The following CFAP20DC variants were observed in gnomAD, a reference collection of about 807,000 sequenced individuals.
The protein encoded by CFAP20DC is CFAP20 domain containing.
CFAP20DC carries 84 observed loss-of-function variants against 101.7 expected under a neutral mutation model. The observed-to-expected ratio is 0.83, with a 90% CI of 0.69 to 0.99. The LOEUF is 0.99. Among genes scored for constraint, CFAP20DC ranks in the 50% least tolerant of loss-of-function variants. CFAP20DC has a pLI of 0.00. For missense variants in CFAP20DC, 1,007 were observed against 970.3 expected (o/e 1.04, Z -0.50); for synonymous variants, 359 against 351.2 (o/e 1.02, Z -0.25).
At chr3:58,978,322 T>G (rs2092368665) in intron 4 of CFAP20DC, among the ~76,000 whole-genome samples, 1 of 152,158 alleles carries the variant, frequency 6.6e-6, no homozygotes, top group South Asian at 2.1e-4. Context: ...CTTTTCCTTG[T>G]CTATATTTTC....
At chr3:58,760,513 G>C (rs373017206) in intron 15 of CFAP20DC, among the ~76,000 whole-genome samples, 3 of 151,948 alleles carry the variant, frequency 2.0e-5, no homozygotes, top group Non-Finnish European at 4.4e-5. Flanking sequence ...TTTCCTAATT[G>C]AATACCCTTT....
downstream of CFAP20DC, among the ~76,000 whole-genome samples, chr3:58,741,402 GA>G (rs2067880833): frequency 6.6e-6 from 1 of 152,122 alleles, no homozygotes; most frequent in Non-Finnish European, 1.5e-5. Context: ...GAGTGGTGAT[GA>G]GTGTGTGTGT....
chr3:58,982,942 G>A (rs535453258), intron 4 of CFAP20DC, among the ~76,000 whole-genome samples: 5 of 152,224 alleles, frequency 3.3e-5, no homozygotes, highest in East Asian at 3.9e-4. Context: ...AGCGAAAAGA[G>A]TAAGGTAAGG....
rs1366611070 is a variant in CFAP20DC, at chr3:58,788,284, A to G, written c.2237+18111T>C. On this transcript the variant is annotated intron_variant, in intron 15 of 16. Coordinates refer to ENST00000482387, the MANE Select transcript of CFAP20DC (RefSeq NM_001394063.1). The surrounding 1 kb of genome is among the most constrained non-coding windows in gnomAD (Gnocchi z 4.2). ...GTTGATTTGGGGCCGTCTATTGGAGATGGATGTTTCTAATATAATGGGCCC... is the reference window on the plus strand; with the variant it reads ...GTTGATTTGGGGCCGTCTATTGGAGGTGGATGTTTCTAATATAATGGGCCC... 1.3e-5 allele frequency among the ~76,000 whole-genome samples: 2 copies of G among 152,050 alleles called. No individual in the cohort carries two copies. The highest frequency in any genetic ancestry group is 2.9e-5 in the Non-Finnish European group (2 of 68,010).
chr3:58,753,905 T>C (rs746485733), intron 15 of CFAP20DC, 42 bp from the exon 16 acceptor site: 11 of 1,364,632 alleles, frequency 8.1e-6, no homozygotes, highest in South Asian at 6.3e-5. Context: ...TGGAATTCCA[T>C]ATATAGATTT....
chr3:58,790,542 G>C lies in CFAP20DC; in HGVS notation c.2237+15853C>G, dbSNP rs536059396. Among the ~76,000 whole-genome samples the C allele has an allele frequency of 1.2e-4, 18 of 152,322 alleles. 1 individual carries two copies. In the South Asian group the frequency reaches 3.7e-3, roughly 32 times the overall value. On this transcript the variant is annotated intron_variant, in intron 15 of 16. Transcript: ENST00000482387. ...AGAAGAGCAGCAGAGAAGGAGAGGA[G>C]TAGTGGTGAAAAGGACATGTGGATC...
intron 7 of CFAP20DC, among the ~76,000 whole-genome samples, chr3:58,879,783 A>C (rs2081080152): frequency 6.6e-6 from 1 of 152,216 alleles, no homozygotes; most frequent in Non-Finnish European, 1.5e-5. Context: ...CGAGTTCACC[A>C]GTAGTGAAAA....
intron 15 of CFAP20DC, among the ~76,000 whole-genome samples, chr3:58,805,649 G>A (rs180690254): frequency 1.3e-5 from 2 of 152,194 alleles, no homozygotes; most frequent in South Asian, 2.1e-4. Context: ...CACGATATAT[G>A]GACTTTTCAA....
chr3:58,943,121 TG>T, intron 4 of CFAP20DC, among the ~76,000 whole-genome samples: 1 of 152,266 alleles, frequency 6.6e-6, no homozygotes, highest in South Asian at 2.1e-4. Context: ...ACAGAGCACC[TG>T]GGGAAAGTGG....
chr3:58,853,761 A>T (rs1447763942), intron 12 of CFAP20DC, among the ~76,000 whole-genome samples: 1 of 152,224 alleles, frequency 6.6e-6, no homozygotes, highest in Non-Finnish European at 1.5e-5. Context: ...AGATGCAGAA[A>T]AGGCCTTAGA....
chr3:58,811,813 A>C (rs2074661299), intron 14 of CFAP20DC, among the ~76,000 whole-genome samples: 2 of 151,780 alleles, frequency 1.3e-5, no homozygotes, highest in African/African-American at 4.8e-5. Context: ...TCATCTGACA[A>C]AGGGCTAATA....
At chr3:58,761,876 G>A (rs541907294) in intron 15 of CFAP20DC, among the ~76,000 whole-genome samples, 4 of 152,186 alleles carry the variant, frequency 2.6e-5, no homozygotes, top group African/African-American at 9.6e-5. Flanking sequence ...CTGAGTTCTA[G>A]TTTGATTGCA....
At chr3:59,039,777 C>T in intron 3 of CFAP20DC, 148 bp from the exon 4 acceptor site, 1 of 414,934 alleles carries the variant, frequency 2.4e-6, no homozygotes, top group South Asian at 9.6e-5. Flanking sequence ...TGAGTTACAA[C>T]CTCATTACGA....
intron 5 of CFAP20DC, among the ~76,000 whole-genome samples, chr3:58,925,549 G>T (rs1022942323): frequency 1.3e-5 from 2 of 152,116 alleles, no homozygotes; most frequent in Admixed American, 6.5e-5. Context: ...AAGTTCAGAG[G>T]TTTATGATGA....
At chr3:58,928,162 T>A (rs2086191429) in intron 5 of CFAP20DC, among the ~76,000 whole-genome samples, 1 of 152,220 alleles carries the variant, frequency 6.6e-6, no homozygotes, top group Non-Finnish European at 1.5e-5. Flanking sequence ...CTGGAGATGA[T>A]ACACTTGTAG....
intron 6 of CFAP20DC, 112 bp from the exon 7 acceptor site, chr3:58,884,821 C>A (rs75913122): frequency 2.3e-6 from 2 of 874,038 alleles, no homozygotes; most frequent in African/African-American, 1.7e-5. Flanking sequence ...TGACTTTGTA[C>A]GAGTTATTCA....
At chr3:58,984,906 T>G (rs1435648397) in intron 4 of CFAP20DC, among the ~76,000 whole-genome samples, 2 of 152,078 alleles carry the variant, frequency 1.3e-5, no homozygotes, top group Non-Finnish European at 2.9e-5. Context: ...TTTTGGTTAC[T>G]TTTTTTGGGG....
intron 14 of CFAP20DC, among the ~76,000 whole-genome samples, chr3:58,819,054 C>T (rs919378273): frequency 5.1e-4 from 76 of 150,196 alleles, no homozygotes; most frequent in African/African-American, 1.6e-3. Flanking sequence ...GGGTACATAA[C>T]GAAATGAAGG....
chr3:58,956,613 C>T (rs1179804811), intron 4 of CFAP20DC, among the ~76,000 whole-genome samples: 5 of 152,136 alleles, frequency 3.3e-5, no homozygotes, highest in Admixed American at 6.5e-5. Context: ...GAACTTGCCA[C>T]CCTGAAGGGA....
Sources: gnomAD v4.1 joint callset for allele counts (sites outside exome capture counted in the v4.1 genomes callset) on GRCh38, gnomAD v4.1.1 for gene constraint, Gnocchi (gnomAD v3.1) non-coding constraint, MANE v1.5 for transcripts, NCBI Gene and HGNC (gene_info 2026-07-23, HGNC 2026-07-21) for gene names.